The following TIAM1 variants were observed in gnomAD, a reference collection of about 807,000 sequenced individuals.
TIAM1 encodes the protein TIAM Rac1 associated GEF 1.
Under a neutral mutation model 163.5 loss-of-function variants are expected in TIAM1, and 65 were observed. The ratio of observed to expected loss-of-function variants is 0.40; its 90% CI spans 0.33 to 0.49. The LOEUF is 0.49. Among genes scored for constraint, TIAM1 ranks in the 20% least tolerant of loss-of-function variants. TIAM1 has a pLI of 0.77. For synonymous variants in TIAM1, 833 were observed against 810.1 expected (o/e 1.03, Z -0.48); for missense variants, 1,789 against 2,044.7 (o/e 0.87, Z 2.41).
intron 12 of TIAM1, among the ~76,000 whole-genome samples, chr21:31,202,275 T>C (rs2086237354): frequency 6.6e-6 from 1 of 151,794 alleles, no homozygotes; most frequent in Non-Finnish European, 1.5e-5. Flanking sequence ...AGACTGGCCG[T>C]GCGCAGTGGC....
At chr21:31,154,040 G>A (rs1206995734) in intron 17 of TIAM1, among the ~76,000 whole-genome samples, 2 of 152,008 alleles carry the variant, frequency 1.3e-5, no homozygotes, top group Non-Finnish European at 2.9e-5. Flanking sequence ...CTCCAGCCTG[G>A]CCAACAGAGT....
chr21:31,352,077 A>C (rs2076243568), intron 2 of TIAM1, among the ~76,000 whole-genome samples: 1 of 152,138 alleles, frequency 6.6e-6, no homozygotes, highest in South Asian at 2.1e-4. Context: ...CAAAAAAAAA[A>C]AAAAAGTGCA....
At chr21:31,484,025 G>C (rs1187899128) in intron 1 of TIAM1, among the ~76,000 whole-genome samples, 2 of 152,124 alleles carry the variant, frequency 1.3e-5, no homozygotes, top group Admixed American at 6.6e-5. Flanking sequence ...CCTCATGTAT[G>C]GGATTAGTGC....
At chr21:31,532,538 T>C (rs1311664094) in intron 1 of TIAM1, among the ~76,000 whole-genome samples, 3 of 152,226 alleles carry the variant, frequency 2.0e-5, no homozygotes, top group African/African-American at 7.2e-5. Context: ...TAGGCACTGA[T>C]ATAATGTCTA....
chr21:31,378,755 A>C (rs935475053), intron 2 of TIAM1, among the ~76,000 whole-genome samples: 21 of 152,166 alleles, frequency 1.4e-4, no homozygotes, highest in Admixed American at 1.2e-3. Flanking sequence ...CAGATCCAAA[A>C]TATTTTAAAA....
chr21:31,134,279 A>T (rs568515607), intron 23 of TIAM1, among the ~76,000 whole-genome samples: 1 of 152,114 alleles, frequency 6.6e-6, no homozygotes, highest in Non-Finnish European at 1.5e-5. Flanking sequence ...ATTTACATCA[A>T]TATCCTGCAT....
chr21:31,448,975 T>C (rs538063537), intron 2 of TIAM1, among the ~76,000 whole-genome samples: 2 of 151,242 alleles, frequency 1.3e-5, no homozygotes, highest in South Asian at 2.1e-4. Context: ...CTTGTTTTGG[T>C]TTTTTTTTCT....
intron 2 of TIAM1, among the ~76,000 whole-genome samples, chr21:31,335,637 G>T (rs548195671): frequency 1.3e-5 from 2 of 150,504 alleles, no homozygotes; most frequent in African/African-American, 4.9e-5. Flanking sequence ...CCTGGGAGGC[G>T]GAGGTTGCAG....
intron 1 of TIAM1, among the ~76,000 whole-genome samples, chr21:31,544,216 TAATA>T (rs773385699): frequency 4.5e-4 from 67 of 149,162 alleles, no homozygotes; most frequent in African/African-American, 1.4e-3. Flanking sequence ...AAAAAATAAA[TAATA>T]AATAAATAAA....
At chr21:31,391,764 G>T (rs1569290785) in intron 2 of TIAM1, among the ~76,000 whole-genome samples, 1 of 152,078 alleles carries the variant, frequency 6.6e-6, no homozygotes, top group Admixed American at 6.5e-5. Context: ...ATTCTTGCCC[G>T]CAGGCCTGCT....
At chr21:31,247,408 T>C (rs907913453) in intron 5 of TIAM1, among the ~76,000 whole-genome samples, 2 of 152,130 alleles carry the variant, frequency 1.3e-5, no homozygotes, top group African/African-American at 4.8e-5. Context: ...TTACTATTAT[T>C]TTTGTAGATA....
In TIAM1 at chr21:31,152,748, A is replaced by G; in HGVS notation, c.3254T>C (p.Phe1085Ser). The stretch of plus-strand genomic sequence containing the variant: ...CTCTACCATTTCCGTTAAATTTCCA[A>G]AAAGCACGTCAAGCTAGAAATAAAA... ...FLTQDELDVL[F>S]GNLTEMVEFQ... Residue 1085 changes from phenylalanine (F) to serine (S), a missense_variant, in exon 19 of 28, where the codon TTT becomes TCT. Transcript: ENST00000541036. 1 of 1,614,158 alleles carries G rather than the reference A, an allele frequency of 6.2e-7. No homozygotes were observed. Among genetic ancestry groups the G allele is most frequent in the Admixed American group, 1.7e-5 (1 of 60,012 alleles).
chr21:31,492,746 A>G (rs2046510338), intron 1 of TIAM1, among the ~76,000 whole-genome samples: 1 of 151,076 alleles, frequency 6.6e-6, no homozygotes, highest in African/African-American at 2.4e-5. Context: ...TAAACTTTCT[A>G]AATTGATTGA....
In TIAM1 at chr21:31,359,844, GGAAGGAAGGAAGGA is replaced by G. The variant is rs2076378046; in HGVS notation, c.-368-20436_-368-20423del. ...AGGAAGGAAGGAAGGAAGGAAGGAAGGAAGGAAGGAAGGAAGGAAGGGAGGGAGGGAGGAAAGAC... is the reference window on the plus strand; with the variant it reads ...AGGAAGGAAGGAAGGAAGGAAGGAAGAGGAAGGGAGGGAGGGAGGAAAGAC... On this transcript the variant is annotated intron_variant, in intron 2 of 28. Coordinates refer to the TIAM1 transcript ENST00000286827. 4.9e-3 allele frequency among the ~76,000 whole-genome samples: 703 copies of G among 142,228 alleles called. 17 individuals are homozygous for G. Among genetic ancestry groups the G allele is most frequent in the African/African-American group, 0.018 (653 of 36,324 alleles). 93.3% of individuals were successfully genotyped at this position (142,228 alleles called of 152,430 possible). A position where few individuals can be genotyped will look rare whatever the true frequency, so the allele number is the denominator to read the frequency against.
intron 19 of TIAM1, among the ~76,000 whole-genome samples, chr21:31,149,232 C>T (rs1191565970): frequency 2.6e-5 from 4 of 152,226 alleles, no homozygotes; most frequent in East Asian, 1.9e-4. Context: ...ATGGAAGTAC[C>T]GGTTTGGTAT....
chr21:31,311,993 T>C (rs991062633), intron 2 of TIAM1, among the ~76,000 whole-genome samples: 6 of 152,242 alleles, frequency 3.9e-5, no homozygotes, highest in Non-Finnish European at 8.8e-5. Context: ...CTTCCTGCCC[T>C]TGAACATCAG....
intron 12 of TIAM1, among the ~76,000 whole-genome samples, chr21:31,195,808 G>A (rs7282793): frequency 0.022 from 3,346 of 152,090 alleles, 100 homozygotes; most frequent in African/African-American, 0.068. Context: ...GAACTGTATC[G>A]AAATTAGCTA....
chr21:31,179,569 A>C (rs2084919397), intron 15 of TIAM1, among the ~76,000 whole-genome samples: 1 of 151,838 alleles, frequency 6.6e-6, no homozygotes, highest in Non-Finnish European at 1.5e-5. Context: ...AACCTTCCAA[A>C]GATGATCCCA....
chr21:31,370,365 G>A (rs1375628998), intron 2 of TIAM1, among the ~76,000 whole-genome samples: 2 of 152,150 alleles, frequency 1.3e-5, no homozygotes, highest in Non-Finnish European at 2.9e-5. Flanking sequence ...CCCAGACAGA[G>A]GCTGGAACAA....
Sources: gnomAD v4.1 joint callset for allele counts (sites outside exome capture counted in the v4.1 genomes callset) on GRCh38, gnomAD v4.1.1 for gene constraint, MANE v1.5 for transcripts, NCBI Gene and HGNC (gene_info 2026-07-23, HGNC 2026-07-21) for gene names.